Variants in MAPK8 observed in about 807,000 individuals in gnomAD.
The protein encoded by MAPK8 is JUN N-terminal kinase.
MAPK8 carries 13 observed loss-of-function variants against 52.9 expected under a neutral mutation model. The observed-to-expected ratio is 0.25, with a 90% CI of 0.16 to 0.39. The LOEUF is 0.39. Ranked by LOEUF, MAPK8 falls within the 10% of genes least tolerant of loss-of-function variation. The pLI is 1.00. For missense variants in MAPK8, 300 were observed against 519.2 expected (o/e 0.58, Z 4.10); for synonymous variants, 191 against 169.8 (o/e 1.12, Z -0.97).
intron 1 of MAPK8, among the ~76,000 whole-genome samples, chr10:48,309,730 G>A (rs138904719): frequency 1.5e-3 from 222 of 152,270 alleles, no homozygotes; most frequent in Non-Finnish European, 2.6e-3. Flanking sequence ...CCAGCGGGTT[G>A]AATTTTGACA....
At chr10:48,427,204 A>G in intron 10 of MAPK8, 61 bp downstream of exon 10, 1 of 1,222,796 alleles carries the variant, frequency 8.2e-7, no homozygotes, top group Non-Finnish European at 1.2e-6. Flanking sequence ...TTATATGGTG[A>G]TTTATTATCA....
At chr10:48,348,889 C>G (rs1174263730) in intron 1 of MAPK8, among the ~76,000 whole-genome samples, 2 of 144,782 alleles carry the variant, frequency 1.4e-5, no homozygotes, top group Non-Finnish European at 3.0e-5. Context: ...TGGGCATGTG[C>G]AAAGACACTC....
chr10:48,375,365 A>G (rs2132670097), intron 1 of MAPK8, among the ~76,000 whole-genome samples: 1 of 152,348 alleles, frequency 6.6e-6, no homozygotes, highest in Middle Eastern at 3.4e-3. Flanking sequence ...CTCCTATTCA[A>G]CATAGTATTG....
rs534546536 is a variant in MAPK8, at chr10:48,417,396, T to A, written c.451-2759T>A. Among the ~76,000 whole-genome samples, 68 of 152,316 alleles carry A rather than the reference T, an allele frequency of 4.5e-4. 1 individual carries two copies. The highest frequency in any genetic ancestry group is 8.7e-4 in the Non-Finnish European group (59 of 68,038). ...GAGGCAAATTTATCAATTGAAAATT[T>A]TACAGGACTTTTTCCCTGAAAGGGT... On this transcript the variant is annotated intron_variant, in intron 5 of 11. Coordinates refer to ENST00000374189, the MANE Select transcript of MAPK8 (RefSeq NM_001323329.2).
chr10:48,326,599 A>C lies in MAPK8; in HGVS notation c.-50+19778A>C, dbSNP rs1250286636. The stretch of plus-strand genomic sequence containing the variant: ...CTCAGCAGATAGAGCAAATAAATAT[A>C]TTCATATATTAGAAATATCTGTATA... On this transcript the variant is annotated intron_variant, in intron 1 of 11. Transcript: ENST00000374189. 4.6e-5 allele frequency among the ~76,000 whole-genome samples: 7 copies of C among 152,340 alleles called. No homozygotes were observed. In the East Asian group the frequency reaches 1.3e-3, roughly 29 times the overall value.
intron 1 of MAPK8, among the ~76,000 whole-genome samples, chr10:48,359,275 C>G (rs1217113370): frequency 6.6e-6 from 1 of 152,126 alleles, no homozygotes; most frequent in Admixed American, 6.5e-5. Context: ...GTATACTGCA[C>G]CAGCGGATCC....
chr10:48,399,489 C>T (rs1462792723), intron 1 of MAPK8, among the ~76,000 whole-genome samples: 2 of 152,176 alleles, frequency 1.3e-5, no homozygotes, highest in East Asian at 3.9e-4. Flanking sequence ...CATCTGCCTG[C>T]CATAGCCTTT....
chr10:48,380,471 C>T (rs2040931023), intron 1 of MAPK8, among the ~76,000 whole-genome samples: 1 of 152,140 alleles, frequency 6.6e-6, no homozygotes, highest in African/African-American at 2.4e-5. Context: ...GTGGCTGACA[C>T]CTGTAATCCC....
intron 7 of MAPK8, chr10:48,425,325 A>G: frequency 3.5e-6 from 2 of 565,450 alleles, no homozygotes; most frequent in Middle Eastern, 2.6e-4. Context: ...AATCTTTTTT[A>G]TAAGGGTCAG....
intron 1 of MAPK8, among the ~76,000 whole-genome samples, chr10:48,307,332 G>A (rs972417372): frequency 1.3e-5 from 2 of 152,232 alleles, no homozygotes; most frequent in African/African-American, 4.8e-5. Context: ...TTGTGCTAAC[G>A]TTCTGGGCGA....
chr10:48,352,971 A>G (rs1430458974), intron 1 of MAPK8, among the ~76,000 whole-genome samples: 1 of 152,218 alleles, frequency 6.6e-6, no homozygotes, highest in Non-Finnish European at 1.5e-5. Flanking sequence ...TGTGAAAACC[A>G]TAATTAAAAG....
intron 5 of MAPK8, among the ~76,000 whole-genome samples, chr10:48,417,710 G>A (rs1416815082): frequency 2.0e-5 from 3 of 152,192 alleles, no homozygotes; most frequent in Admixed American, 6.5e-5. Flanking sequence ...TGAACCTATC[G>A]ATAGGGTGAG....
chr10:48,349,304 A>T (rs1404928907), intron 1 of MAPK8, among the ~76,000 whole-genome samples: 1 of 152,172 alleles, frequency 6.6e-6, no homozygotes, highest in Non-Finnish European at 1.5e-5. Flanking sequence ...TCTCCACCCC[A>T]AATCAACAGA....
At chr10:48,405,250 G>A (rs897518343) in intron 3 of MAPK8, among the ~76,000 whole-genome samples, 5 of 152,092 alleles carry the variant, frequency 3.3e-5, no homozygotes, top group Admixed American at 2.6e-4. Flanking sequence ...AAGCGTTTGA[G>A]AAGAATTTTA....
chr10:48,334,308 A>G (rs1384381458), intron 1 of MAPK8, among the ~76,000 whole-genome samples: 3 of 151,476 alleles, frequency 2.0e-5, no homozygotes, highest in Non-Finnish European at 4.4e-5. Context: ...TGTGTACTCA[A>G]CTCCCCAACT....
intron 1 of MAPK8, among the ~76,000 whole-genome samples, chr10:48,366,335 C>T (rs1848035577): frequency 6.6e-6 from 1 of 152,106 alleles, no homozygotes; most frequent in African/African-American, 2.4e-5. Flanking sequence ...GCAGACAGCA[C>T]TCTAAGATGG....
chr10:48,320,211 CTTTTTTTTTT>C (rs71026206), intron 1 of MAPK8, among the ~76,000 whole-genome samples: 32 of 35,320 alleles, frequency 9.1e-4, no homozygotes, highest in East Asian at 8.7e-3. Context: ...ACTGCTCGGC[CTTTTTTTTTT>C]TTTTTTTTTT....
At chr10:48,413,962 T>C (rs1261021152) in intron 5 of MAPK8, among the ~76,000 whole-genome samples, 2 of 150,796 alleles carry the variant, frequency 1.3e-5, no homozygotes, top group African/African-American at 4.9e-5. Context: ...TACCACTCAG[T>C]GTTTATTATA....
intron 1 of MAPK8, among the ~76,000 whole-genome samples, chr10:48,328,300 C>CT (rs149812521): frequency 5.3e-4 from 77 of 144,970 alleles, no homozygotes; most frequent in Admixed American, 8.3e-4. Context: ...AATGAGCCAG[C>CT]TTTTTTTTTT....
Sources: gnomAD v4.1 joint callset for allele counts (sites outside exome capture counted in the v4.1 genomes callset) on GRCh38, gnomAD v4.1.1 for gene constraint, MANE v1.5 for transcripts, NCBI Gene and HGNC (gene_info 2026-07-23, HGNC 2026-07-21) for gene names.